The following TRAK1 variants were observed in gnomAD, a reference collection of about 807,000 sequenced individuals.
TRAK1 encodes the protein trafficking kinesin-binding protein 1.
In TRAK1, 33 loss-of-function variants were observed where a neutral mutation model predicts 92.1. The ratio of observed to expected loss-of-function variants is 0.36; its 90% CI spans 0.27 to 0.48. TRAK1 has a LOEUF of 0.48. TRAK1 is among the 20% of genes least tolerant of loss of function. The pLI is 0.99. For synonymous variants in TRAK1, 521 were observed against 517.3 expected (o/e 1.01, Z -0.10); for missense variants, 1,123 against 1,257.9 (o/e 0.89, Z 1.62).
intron 1 of TRAK1, among the ~76,000 whole-genome samples, chr3:42,116,556 A>G (rs1709188486): frequency 1.3e-5 from 2 of 152,202 alleles, no homozygotes; most frequent in African/African-American, 2.4e-5. Context: ...TTTTAAGAAA[A>G]TGGAATTGTT....
intron 14 of TRAK1, among the ~76,000 whole-genome samples, chr3:42,212,883 C>T (rs1454729086): frequency 1.3e-5 from 2 of 152,122 alleles, no homozygotes; most frequent in African/African-American, 4.8e-5. Flanking sequence ...AAGTAGGATT[C>T]AAGCCACATG....
chr3:42,164,580 T>A (rs1244634039), intron 2 of TRAK1, among the ~76,000 whole-genome samples: 2 of 152,244 alleles, frequency 1.3e-5, no homozygotes, highest in Non-Finnish European at 2.9e-5. Context: ...GACAGAGTTC[T>A]AGGCCCTTCC....
At chr3:42,053,378 G>T (rs1439237610) in intron 1 of TRAK1, among the ~76,000 whole-genome samples, 8 of 108,198 alleles carry the variant, frequency 7.4e-5, no homozygotes, top group Non-Finnish European at 1.1e-4. Context: ...AGTCGGGTGG[G>T]GGGGGGGGGC....
At chr3:42,078,225 A>G (rs1376577529) in intron 1 of TRAK1, among the ~76,000 whole-genome samples, 1 of 152,188 alleles carries the variant, frequency 6.6e-6, no homozygotes, top group Non-Finnish European at 1.5e-5. Flanking sequence ...TGCCTTCAGA[A>G]TCAAAGGCCC....
At chr3:42,140,055 CTCTG>C (rs1698458331) in intron 2 of TRAK1, among the ~76,000 whole-genome samples, 1 of 152,190 alleles carries the variant, frequency 6.6e-6, no homozygotes, top group Non-Finnish European at 1.5e-5. Context: ...TTTTTCTTCT[CTCTG>C]TCCTTCTCAG....
chr3:42,202,273 G>A lies in TRAK1; in HGVS notation c.1428-163G>A, dbSNP rs775398449. ...CCCTGGCGGGAGTGGTTCTGGACAC[G>A]AATTTATTTCCCCCTGTTGCCTAAA... On this transcript the variant is annotated intron_variant, in intron 12 of 15. Coordinates refer to ENST00000327628, the MANE Select transcript of TRAK1 (RefSeq NM_001042646.3). The surrounding 1 kb of genome is among the most constrained non-coding windows in gnomAD (Gnocchi z 6.1). 2.6e-5 allele frequency among the ~76,000 whole-genome samples: 4 copies of A among 152,052 alleles called. No individual in the cohort carries two copies. Among genetic ancestry groups the A allele is most frequent in the East Asian group, 3.9e-4 (2 of 5,168 alleles).
intron 4 of TRAK1, among the ~76,000 whole-genome samples, chr3:42,186,751 T>G (rs933986092): frequency 6.6e-6 from 1 of 152,226 alleles, no homozygotes; most frequent in East Asian, 1.9e-4. Flanking sequence ...GAAATGCCTT[T>G]TTTCCCCCTT....
chr3:42,110,327 G>A (rs1023060598), intron 1 of TRAK1, among the ~76,000 whole-genome samples: 2 of 151,606 alleles, frequency 1.3e-5, no homozygotes, highest in Non-Finnish European at 2.9e-5. Flanking sequence ...GTTGAGGGGT[G>A]GGGGTTGATG....
chr3:42,135,551 A>AC (rs1027579524), intron 2 of TRAK1, among the ~76,000 whole-genome samples: 5 of 152,144 alleles, frequency 3.3e-5, no homozygotes, highest in Admixed American at 2.0e-4. Context: ...ACCAAACGAG[A>AC]CCCCATCTCT....
chr3:42,086,311 CTT>C (rs750932535), upstream of TRAK1, among the ~76,000 whole-genome samples: 4 of 140,410 alleles, frequency 2.8e-5, no homozygotes, highest in African/African-American at 2.8e-5. Context: ...CTTTTTCTTT[CTT>C]TTTTTTTTTT....
At chr3:42,152,205 C>T (rs913776219) in intron 2 of TRAK1, among the ~76,000 whole-genome samples, 3 of 152,160 alleles carry the variant, frequency 2.0e-5, no homozygotes, top group African/African-American at 7.2e-5. Flanking sequence ...CTGTCCTGCT[C>T]CCCCGCCCCC....
At chr3:42,027,319 C>T (rs530124030) in intron 1 of TRAK1, among the ~76,000 whole-genome samples, 2 of 152,028 alleles carry the variant, frequency 1.3e-5, no homozygotes, top group African/African-American at 4.8e-5. Flanking sequence ...GTCAGGAGAT[C>T]GAGACCATCT....
At position 42,149,608 on chromosome 3, in the gene TRAK1, G is replaced by A. The variant is rs562816903; in HGVS notation, c.286+23994G>A. 218 of 1,536,064 alleles carry A rather than the reference G, an allele frequency of 1.4e-4. 1 individual carries two copies. The African/African-American group carries it at 2.1e-3, about 14-fold the overall frequency. On this transcript the variant is annotated intron_variant, in intron 2 of 15. Transcript: ENST00000327628. ...TGAAGAATGCTCGGATGGTAATTATGGCCCCTGCAAAACAGAGCCGGGATG... is the reference window on the plus strand; with the variant it reads ...TGAAGAATGCTCGGATGGTAATTATAGCCCCTGCAAAACAGAGCCGGGATG...
chr3:42,160,919 A>G (rs1472078979), intron 2 of TRAK1, among the ~76,000 whole-genome samples: 1 of 152,058 alleles, frequency 6.6e-6, no homozygotes, highest in Non-Finnish European at 1.5e-5. Context: ...TAAGAGATTC[A>G]GTTGTTATCT....
chr3:42,212,455 A>T (rs1388370377), intron 14 of TRAK1: 1 of 985,342 alleles, frequency 1.0e-6, no homozygotes, highest in African/African-American at 1.7e-5. Flanking sequence ...CTGCTGTCCC[A>T]TGGAGAAAAA....
chr3:42,223,811 C>A lies in TRAK1; in HGVS notation c.*74C>A. ...CTTGCTCCCACCTCCCTCTCTTCCC[C>A]CCACAGTGCACTCCCTCCCTCTGCC... On this transcript the variant is annotated 3_prime_UTR_variant, in exon 16 of 16. Transcript: ENST00000327628. This position sits in a 1 kb window ranked among gnomAD's most constrained non-coding sequence, Gnocchi z 6.1. 1 of 1,491,348 alleles carries A rather than the reference C, an allele frequency of 6.7e-7. No individual in the cohort carries two copies. The highest frequency in any genetic ancestry group is 1.9e-5 in the Admixed American group (1 of 52,662). 92.4% of individuals were successfully genotyped at this position (1,491,348 alleles called of 1,614,324 possible). A position where few individuals can be genotyped will look rare whatever the true frequency, so the allele number is the denominator to read the frequency against.
At chr3:42,199,287 C>T in intron 11 of TRAK1, 34 bp downstream of exon 11, 1 of 1,609,892 alleles carries the variant, frequency 6.2e-7, no homozygotes, top group Admixed American at 1.7e-5. Context: ...TTGAGATTCC[C>T]AGAGACCAAC....
intron 1 of TRAK1, among the ~76,000 whole-genome samples, chr3:42,025,723 TTC>T (rs971222305): frequency 6.6e-6 from 1 of 152,228 alleles, no homozygotes; most frequent in African/African-American, 2.4e-5. Context: ...GCTGGCTGCC[TTC>T]TCTCTCTGGA....
chr3:42,140,041 GC>G (rs1253050678), intron 2 of TRAK1, among the ~76,000 whole-genome samples: 1 of 152,162 alleles, frequency 6.6e-6, no homozygotes, highest in African/African-American at 2.4e-5. Context: ...CCACACCCAA[GC>G]CCTTTTTCTT....
Sources: allele counts gnomAD v4.1 joint callset (sites outside exome capture counted in the v4.1 genomes callset), GRCh38; gene constraint gnomAD v4.1.1; non-coding constraint Gnocchi (gnomAD v3.1); transcripts MANE v1.5; gene names NCBI Gene and HGNC (gene_info 2026-07-23, HGNC 2026-07-21).